The following LRRIQ1 variants were observed in gnomAD, a reference collection of about 807,000 sequenced individuals.
LRRIQ1 encodes leucine-rich repeat- and IQ domain-containing protein 1.
Under a neutral mutation model 211.9 loss-of-function variants are expected in LRRIQ1, and 210 were observed. That is an observed-to-expected ratio of 0.99 (90% confidence interval 0.89 to 1.11). The LOEUF (loss-of-function observed/expected upper bound fraction) is 1.11. LRRIQ1 is among the 50% of genes most tolerant of loss of function. The pLI is 0.00. For synonymous variants in LRRIQ1, 699 were observed against 650.1 expected (o/e 1.08, Z -1.14); for missense variants, 2,136 against 1,939.5 (o/e 1.10, Z -1.90).
At chr12:85,141,368 T>G (rs1452041139) in intron 19 of LRRIQ1, among the ~76,000 whole-genome samples, 1 of 151,356 alleles carries the variant, frequency 6.6e-6, no homozygotes, top group Non-Finnish European at 1.5e-5. Flanking sequence ...TCTCTTACTC[T>G]GCTGGTGGAT....
At chr12:85,046,841 T>G (rs1879647809) in intron 5 of LRRIQ1, among the ~76,000 whole-genome samples, 1 of 152,206 alleles carries the variant, frequency 6.6e-6, no homozygotes, top group South Asian at 2.1e-4. Flanking sequence ...GATGAGTTCA[T>G]GTCCTTTGTA....
intron 11 of LRRIQ1, among the ~76,000 whole-genome samples, chr12:85,092,485 C>T (rs918198732): frequency 6.6e-5 from 10 of 152,050 alleles, no homozygotes; most frequent in Non-Finnish European, 1.2e-4. Flanking sequence ...ATTTGAAAAC[C>T]GTGAAAGACT....
intron 23 of LRRIQ1, among the ~76,000 whole-genome samples, chr12:85,155,982 A>T (rs1229739470): frequency 6.6e-6 from 1 of 151,670 alleles, no homozygotes; most frequent in Admixed American, 6.6e-5. Context: ...TTTATCAGTC[A>T]CAAGGGGGCA....
chr12:85,133,516 G>A (rs978463905), intron 18 of LRRIQ1, among the ~76,000 whole-genome samples: 1 of 152,120 alleles, frequency 6.6e-6, no homozygotes, highest in African/African-American at 2.4e-5. Flanking sequence ...CCTGTGGTGA[G>A]GTTGCCTTGG....
intron 10 of LRRIQ1, among the ~76,000 whole-genome samples, chr12:85,068,106 G>A (rs1164923582): frequency 1.3e-5 from 2 of 151,858 alleles, no homozygotes; most frequent in Non-Finnish European, 2.9e-5. Context: ...CAAGGGCCTT[G>A]GTAGAGGCTT....
chr12:85,161,831 G>A lies in LRRIQ1; in HGVS notation c.4822+1117G>A, dbSNP rs139607738. On this transcript the variant is annotated intron_variant, in intron 24 of 26. Transcript: ENST00000393217. ...CGAGGCAGACAGATCACGAGATCAGGAGATCGAGACCATCCTGGCTAACAC... is the reference window on the plus strand; with the variant it reads ...CGAGGCAGACAGATCACGAGATCAGAAGATCGAGACCATCCTGGCTAACAC... Among the ~76,000 whole-genome samples, 158 of 152,220 alleles carry A rather than the reference G, an allele frequency of 1.0e-3. 3 individuals carry two copies. The East Asian group carries it at 0.029, about 28-fold the overall frequency.
intron 24 of LRRIQ1, among the ~76,000 whole-genome samples, chr12:85,186,647 T>G (rs1160281167): frequency 6.6e-6 from 1 of 152,124 alleles, no homozygotes; most frequent in African/African-American, 2.4e-5. Flanking sequence ...TAGTGAAATA[T>G]GCAAAAAATA....
chr12:85,044,922 TTTAA>T (rs1879356448), intron 4 of LRRIQ1, 113 bp downstream of exon 4: 1 of 449,704 alleles, frequency 2.2e-6, no homozygotes, highest in East Asian at 3.6e-5. Context: ...ATATTAAAAA[TTTAA>T]TTATTCTTAA....
intron 3 of LRRIQ1, among the ~76,000 whole-genome samples, chr12:85,043,937 AAG>A (rs1879217979): frequency 6.6e-6 from 1 of 152,190 alleles, no homozygotes; most frequent in Admixed American, 6.6e-5. Flanking sequence ...TTATGAAAAA[AAG>A]AGTTATGTAA....
chr12:85,158,586 T>A (rs1424421125), intron 23 of LRRIQ1, among the ~76,000 whole-genome samples: 1 of 152,002 alleles, frequency 6.6e-6, no homozygotes, highest in Non-Finnish European at 1.5e-5. Flanking sequence ...ATTATTTAAA[T>A]GAAATAATAA....
At chr12:85,256,491 T>TA (rs1474271561) in intron 1 of LRRIQ1, among the ~76,000 whole-genome samples, 2 of 151,788 alleles carry the variant, frequency 1.3e-5, no homozygotes, top group African/African-American at 4.8e-5. Context: ...AATAACATAA[T>TA]AAATCCTCAG....
rs1278207585 is a variant in LRRIQ1, at chr12:85,098,537, T to C, written c.3070T>C (p.Tyr1024His). ...CCAAATATTGAAGTTACAGGGAAATTATCTGAGTGAGGTAATTGCTTTGAA... is the reference window on the plus strand; with the variant it reads ...CCAAATATTGAAGTTACAGGGAAATCATCTGAGTGAGGTAATTGCTTTGAA... ...LLQILKLQGN[Y>H]LSELPSLENL... The change falls in exon 12 of 27, where the codon TAT becomes CAT. Residue 1024 changes from tyrosine to histidine, a missense_variant. Tyr to His is a moderately conservative substitution (Grantham distance 83, BLOSUM62 2). Coordinates refer to ENST00000393217, the MANE Select transcript of LRRIQ1 (RefSeq NM_001079910.2). 6.2e-7 allele frequency: 1 copy of C among 1,607,304 alleles called. No individual in the cohort carries two copies. Among genetic ancestry groups the C allele is most frequent in the Non-Finnish European group, 8.5e-7 (1 of 1,176,974 alleles).
intron 11 of LRRIQ1, among the ~76,000 whole-genome samples, chr12:85,097,134 G>C (rs1030221313): frequency 7.9e-5 from 12 of 152,040 alleles, no homozygotes; most frequent in African/African-American, 2.2e-4. Flanking sequence ...CCTTTTAAGG[G>C]GGCATTGTAT....
At chr12:85,250,872 T>G (rs1244135958) in intron 1 of LRRIQ1, among the ~76,000 whole-genome samples, 1 of 65,688 alleles carries the variant, frequency 1.5e-5, no homozygotes, top group African/African-American at 7.4e-5. Flanking sequence ...ATAGATTATA[T>G]ATTATATTAT....
intron 18 of LRRIQ1, among the ~76,000 whole-genome samples, chr12:85,129,839 T>C (rs1461661063): frequency 6.6e-6 from 1 of 152,188 alleles, no homozygotes; most frequent in Non-Finnish European, 1.5e-5. Context: ...ACAATTATAC[T>C]GTAAGAGGAC....
intron 24 of LRRIQ1, among the ~76,000 whole-genome samples, chr12:85,218,117 G>A (rs577195470): frequency 3.3e-5 from 5 of 151,890 alleles, no homozygotes; most frequent in Non-Finnish European, 5.9e-5. Context: ...TCTTCTTATC[G>A]TGTGGAAATT....
chr12:85,167,628 G>T (rs556552983), intron 24 of LRRIQ1, among the ~76,000 whole-genome samples: 10 of 152,266 alleles, frequency 6.6e-5, no homozygotes, highest in Middle Eastern at 6.8e-3. Context: ...GCTGGTAGCT[G>T]ATTAGATGGT....
At position 85,124,353 on chromosome 12, in the gene LRRIQ1, G is replaced by C. The variant is rs772833824; in HGVS notation, c.3841G>C (p.Ala1281Pro). 1 of 1,613,998 alleles carries C rather than the reference G, an allele frequency of 6.2e-7. No homozygotes were observed. The highest frequency in any genetic ancestry group is 8.5e-7 in the Non-Finnish European group (1 of 1,180,012). ...CAGCCACTCCCCATTAAGCAAATCC[G>C]CCACATGTGAAAATATGGAAGGAAG... ...VSSHSPLSKS[A>P]TCENMEGRHQ... Residue 1281 changes from alanine (A) to proline (P), a missense_variant, in exon 17 of 27, where the codon GCC becomes CCC. By Grantham distance (27) the Ala-to-Pro change is conservative. Coordinates refer to ENST00000393217, the MANE Select transcript of LRRIQ1 (RefSeq NM_001079910.2).
exon 2 of LRRIQ1, chr12:85,262,961 A>G: frequency 1.0e-6 from 1 of 986,840 alleles, no homozygotes; most frequent in Non-Finnish European, 1.2e-6. Flanking sequence ...TAACAAATAC[A>G]AGACCTTCTA....
Sources: allele counts gnomAD v4.1 joint callset (sites outside exome capture counted in the v4.1 genomes callset), GRCh38; gene constraint gnomAD v4.1.1; transcripts MANE v1.5; gene names NCBI Gene and HGNC (gene_info 2026-07-23, HGNC 2026-07-21).